Variants in ZNF560 observed in about 807,000 individuals in gnomAD.
The protein encoded by ZNF560 is zinc finger protein 560.
A neutral mutation model predicts 81.8 loss-of-function variants in ZNF560; 54 were observed. That is an observed-to-expected ratio of 0.66 (90% CI 0.53 to 0.83). The LOEUF (loss-of-function observed/expected upper bound fraction) is 0.83, where lower values mean the gene tolerates loss of function less well. Among genes scored for constraint, ZNF560 ranks in the 40% least tolerant of loss-of-function variants. The probability of loss-of-function intolerance (pLI) is 0.00; values close to 1 mark genes in which losing one functional copy is unlikely to be tolerated. For synonymous variants in ZNF560, 321 were observed against 317.9 expected (o/e 1.01, Z -0.10); for missense variants, 940 against 932.4 (o/e 1.01, Z -0.11).
At chr19:9,489,564 G>A (rs2073438963) in intron 2 of ZNF560, among the ~76,000 whole-genome samples, 2 of 152,158 alleles carry the variant, frequency 1.3e-5, no homozygotes, top group Non-Finnish European at 2.9e-5. Flanking sequence ...CCAGACAGTT[G>A]GGTGGCCGGG....
intron 2 of ZNF560, among the ~76,000 whole-genome samples, chr19:9,486,352 C>T (rs935464405): frequency 2.0e-4 from 30 of 152,228 alleles, no homozygotes; most frequent in Admixed American, 6.5e-5. Flanking sequence ...ACAAGACAGG[C>T]AGCCTTCCCA....
intron 2 of ZNF560, among the ~76,000 whole-genome samples, chr19:9,487,412 C>T: frequency 6.6e-6 from 1 of 152,174 alleles, no homozygotes; most frequent in Admixed American, 6.5e-5. Context: ...CCCTTTTTAC[C>T]AACTGTGTTG....
At chr19:9,486,750 A>G in intron 2 of ZNF560, among the ~76,000 whole-genome samples, 1 of 139,056 alleles carries the variant, frequency 7.2e-6, no homozygotes, top group Non-Finnish European at 1.5e-5. Context: ...CAAAAAAAAA[A>G]GAAGAAAAGA....
intron 8 of ZNF560, 146 bp downstream of exon 8, chr19:9,469,484 T>C: frequency 2.9e-6 from 2 of 699,936 alleles, no homozygotes; most frequent in Non-Finnish European, 5.0e-6. Context: ...TGCAAAGCAA[T>C]GGAGGATGAA....
At chr19:9,455,938 G>A in the ZNF560 span, among the ~76,000 whole-genome samples, 24 of 152,022 alleles carry the variant, frequency 1.6e-4, no homozygotes, top group African/African-American at 5.8e-4. Flanking sequence ...AAAATCAGAG[G>A]GTCCAACTAC....
chr19:9,458,133 C>T, the ZNF560 span, among the ~76,000 whole-genome samples: 102,658 of 152,064 alleles, frequency 0.68, 35,727 homozygotes, highest in African/African-American at 0.84. Flanking sequence ...TTAAATTACA[C>T]GGATATGATC....
rs147154011 is a variant in ZNF560, at chr19:9,473,040, G to A, written c.238+139C>T. ...TGCTTTCTGTAGAGCCTGCAGAATC[G>A]TGAGCCAAAATAAACCTATTTTCTT... On this transcript the variant is annotated intron_variant, in intron 5 of 9. Coordinates refer to ENST00000301480, the MANE Select transcript of ZNF560 (RefSeq NM_152476.3). 598 of 715,176 alleles carry A rather than the reference G, an allele frequency of 8.4e-4. 2 individuals are homozygous for A. The highest frequency in any genetic ancestry group is 7.5e-3 in the African/African-American group (424 of 56,214). 44.3% of individuals were successfully genotyped at this position (715,176 alleles called of 1,614,324 possible). A position where few individuals can be genotyped will look rare whatever the true frequency, so the allele number is the denominator to read the frequency against.
chr19:9,452,455 A>G, the ZNF560 span, among the ~76,000 whole-genome samples: 1 of 152,212 alleles, frequency 6.6e-6, no homozygotes, highest in Non-Finnish European at 1.5e-5. Flanking sequence ...ACACTCATAT[A>G]TTCATCACAG....
chr19:9,446,245 T>C, the ZNF560 span, among the ~76,000 whole-genome samples: 3 of 152,084 alleles, frequency 2.0e-5, no homozygotes, highest in African/African-American at 7.2e-5. Flanking sequence ...TGCTGCTATT[T>C]ACTTTTCAGA....
the ZNF560 span, among the ~76,000 whole-genome samples, chr19:9,446,061 G>C: frequency 6.6e-6 from 1 of 152,044 alleles, no homozygotes; most frequent in African/African-American, 2.4e-5. Flanking sequence ...CCCCCTTGTT[G>C]ATATTACCAG....
At chr19:9,461,795 A>C (rs1224025787), downstream of ZNF560, among the ~76,000 whole-genome samples, 1 of 152,226 alleles carries the variant, frequency 6.6e-6, no homozygotes, top group Non-Finnish European at 1.5e-5. Flanking sequence ...AATAAAAAAA[A>C]GTATCTGGAA....
rs868808987 is a variant in ZNF560 at position 9,467,835 on chromosome 19, A to T, written c.1112T>A (p.Ile371Asn). Residue 371 changes from isoleucine to asparagine, a missense_variant, in exon 10 of 10, where the codon ATT becomes AAT. Coordinates refer to ENST00000301480, the MANE Select transcript of ZNF560 (RefSeq NM_152476.3). ...CTTACATTTATAAGGTTTTATCCCA[A>T]TGTGGGTTTGCATGTGATTATTAAG... Reference protein sequence around the residue: ...THLNNHMQTHIGIKPYKCKHC... With the variant: ...THLNNHMQTHNGIKPYKCKHC... 5.6e-6 allele frequency: 9 copies of T among 1,614,186 alleles called. No individual in the cohort carries two copies. The highest frequency in any genetic ancestry group is 7.6e-6 in the Non-Finnish European group (9 of 1,180,026).
intron 5 of ZNF560, among the ~76,000 whole-genome samples, chr19:9,471,746 C>T (rs2073125650): frequency 6.6e-6 from 1 of 152,136 alleles, no homozygotes; most frequent in Non-Finnish European, 1.5e-5. Context: ...TAAAGAGTAT[C>T]AAAAATTGAA....
chr19:9,455,563 G>A, the ZNF560 span, among the ~76,000 whole-genome samples: 1 of 152,280 alleles, frequency 6.6e-6, no homozygotes, highest in Non-Finnish European at 1.5e-5. Context: ...TCTTCAGGTG[G>A]AGAACAATAC....
At chr19:9,476,385 C>T (rs1223921542) in intron 2 of ZNF560, among the ~76,000 whole-genome samples, 1 of 151,934 alleles carries the variant, frequency 6.6e-6, no homozygotes, top group Non-Finnish European at 1.5e-5. Context: ...CTCTGCCTCC[C>T]GGGTTCAAGC....
chr19:9,456,552 C>T, the ZNF560 span, among the ~76,000 whole-genome samples: 15 of 152,214 alleles, frequency 9.9e-5, no homozygotes, highest in African/African-American at 3.6e-4. Flanking sequence ...ACCATCCTAC[C>T]TGTGAAAAAA....
At chr19:9,472,829 T>C (rs1189003380) in intron 5 of ZNF560, among the ~76,000 whole-genome samples, 2 of 152,076 alleles carry the variant, frequency 1.3e-5, no homozygotes, top group East Asian at 1.9e-4. Context: ...TGTGGAAAAA[T>C]TGTCTTCCAT....
At chr19:9,500,252 G>A (rs1001817091), upstream of ZNF560, among the ~76,000 whole-genome samples, 1 of 151,974 alleles carries the variant, frequency 6.6e-6, no homozygotes, top group Admixed American at 6.6e-5. Flanking sequence ...AGGCGTGGTG[G>A]TTGGCACCTG....
At chr19:9,481,017 G>C (rs1172817794) in intron 2 of ZNF560, among the ~76,000 whole-genome samples, 2 of 151,072 alleles carry the variant, frequency 1.3e-5, no homozygotes, top group Non-Finnish European at 2.9e-5. Context: ...CCAGGAGAGA[G>C]AGGCTGCAGT....
Sources: gnomAD v4.1 joint callset for allele counts (sites outside exome capture counted in the v4.1 genomes callset) on GRCh38, gnomAD v4.1.1 for gene constraint, MANE v1.5 for transcripts, NCBI Gene and HGNC (gene_info 2026-07-23, HGNC 2026-07-21) for gene names.